Variants in CSNK1G3 observed in about 807,000 individuals in gnomAD.
CSNK1G3 encodes casein kinase 1 gamma 3, also known as casein kinase I isoform gamma-3.
In CSNK1G3, 23 loss-of-function variants were observed where a neutral mutation model predicts 64.3. That is an observed-to-expected ratio of 0.36 (90% CI 0.26 to 0.51). The LOEUF is 0.51. CSNK1G3 is among the 20% of genes least tolerant of loss of function. The probability of loss-of-function intolerance (pLI) is 0.96; values close to 1 mark genes in which losing one functional copy is unlikely to be tolerated. For synonymous variants in CSNK1G3, 158 were observed against 162.2 expected (o/e 0.97, Z 0.20); for missense variants, 357 against 510.5 (o/e 0.70, Z 2.90).
intron 4 of CSNK1G3, among the ~76,000 whole-genome samples, chr5:123,569,747 TTTTA>T (rs1324771862): frequency 6.6e-6 from 1 of 152,074 alleles, no homozygotes; most frequent in Non-Finnish European, 1.5e-5. Context: ...TGAGAATGCT[TTTTA>T]TTTATTTATT....
intron 4 of CSNK1G3, among the ~76,000 whole-genome samples, chr5:123,568,267 G>C (rs1448603965): frequency 6.6e-6 from 1 of 152,164 alleles, no homozygotes; most frequent in Non-Finnish European, 1.5e-5. Context: ...CAGTGGATCA[G>C]ACCAGCAGCC....
chr5:123,605,196 G>C (rs1021133641), intron 11 of CSNK1G3, 143 bp from the exon 13 acceptor site: 13 of 688,466 alleles, frequency 1.9e-5, no homozygotes, highest in Non-Finnish European at 3.0e-5. Flanking sequence ...TTTTGAATTA[G>C]TTTTTTCAAA....
intron 1 of CSNK1G3, among the ~76,000 whole-genome samples, chr5:123,530,437 C>A (rs1779742520): frequency 6.6e-6 from 1 of 152,076 alleles, no homozygotes; most frequent in African/African-American, 2.4e-5. Context: ...AGCTTTTAAA[C>A]TGTAGAAATG....
At chr5:123,557,173 G>A (rs954490308) in intron 3 of CSNK1G3, among the ~76,000 whole-genome samples, 1 of 152,010 alleles carries the variant, frequency 6.6e-6, no homozygotes, top group Admixed American at 6.6e-5. Context: ...GGTGAATTTG[G>A]AGAACAGGAG....
intron 1 of CSNK1G3, among the ~76,000 whole-genome samples, chr5:123,515,315 C>T (rs2149882773): frequency 6.6e-6 from 1 of 152,014 alleles, no homozygotes; most frequent in African/African-American, 2.4e-5. Flanking sequence ...CAAAGGGCTT[C>T]CCAAAAGGAT....
At chr5:123,584,710 T>G (rs1403876777) in intron 6 of CSNK1G3, among the ~76,000 whole-genome samples, 1 of 152,192 alleles carries the variant, frequency 6.6e-6, no homozygotes, top group Admixed American at 6.5e-5. Context: ...CGATGCTATC[T>G]GGATTGTATT....
intron 6 of CSNK1G3, among the ~76,000 whole-genome samples, chr5:123,580,874 A>G (rs770143302): frequency 6.6e-6 from 1 of 151,846 alleles, no homozygotes; most frequent in Non-Finnish European, 1.5e-5. Context: ...GATTTGAGGG[A>G]TAAGTTGGGA....
At chr5:123,553,833 A>G (rs1244849923) in intron 3 of CSNK1G3, among the ~76,000 whole-genome samples, 1 of 152,198 alleles carries the variant, frequency 6.6e-6, no homozygotes, top group African/African-American at 2.4e-5. Flanking sequence ...TTCATTCATT[A>G]AGTGGTGATC....
intron 1 of CSNK1G3, among the ~76,000 whole-genome samples, chr5:123,521,340 C>A (rs1006692425): frequency 6.6e-6 from 1 of 152,012 alleles, no homozygotes; most frequent in African/African-American, 2.4e-5. Flanking sequence ...TTCTGTCATA[C>A]GAGTATCAGG....
At chr5:123,579,145 G>A (rs570176570) in intron 6 of CSNK1G3, among the ~76,000 whole-genome samples, 3 of 151,836 alleles carry the variant, frequency 2.0e-5, no homozygotes, top group South Asian at 4.2e-4. Context: ...CCCAGCTTTA[G>A]CTACTCTATA....
At chr5:123,550,731 T>C (rs1336044179) in intron 2 of CSNK1G3, among the ~76,000 whole-genome samples, 1 of 152,242 alleles carries the variant, frequency 6.6e-6, no homozygotes, top group African/African-American at 2.4e-5. Flanking sequence ...TGGATTTTTC[T>C]TTTAATGGGA....
chr5:123,556,776 G>A (rs1206203327), intron 3 of CSNK1G3, among the ~76,000 whole-genome samples: 1 of 150,512 alleles, frequency 6.6e-6, no homozygotes, highest in East Asian at 1.9e-4. Context: ...GTGTGTGTGT[G>A]TGTGTGTGTG....
chr5:123,617,038 C>A (rs1749562973), exon 13 of CSNK1G3: 1 of 152,098 alleles, frequency 6.6e-6, no homozygotes, highest in African/African-American at 2.4e-5. Context: ...AATACATCTT[C>A]TGATAAATTA....
At chr5:123,574,656 A>G (rs1788799783) in intron 5 of CSNK1G3, among the ~76,000 whole-genome samples, 1 of 151,958 alleles carries the variant, frequency 6.6e-6, no homozygotes, top group Non-Finnish European at 1.5e-5. Context: ...CTCTGTCTCT[A>G]CAAAAATAAA....
exon 13 of CSNK1G3, chr5:123,614,612 A>G (rs1749141610): frequency 9.1e-6 from 4 of 438,526 alleles, no homozygotes; most frequent in Admixed American, 4.0e-5. Flanking sequence ...AAGTTTTGTC[A>G]AAACATGAGT....
At chr5:123,606,944 A>C (rs201233086) in intron 12 of CSNK1G3, among the ~76,000 whole-genome samples, 1 of 152,198 alleles carries the variant, frequency 6.6e-6, no homozygotes, top group South Asian at 2.1e-4. Context: ...GTATTTTAAA[A>C]AATGGTTAGA....
rs561027036 is a variant in CSNK1G3 at position 123,515,227 on chromosome 5, A to G, written c.-248+2657A>G. On this transcript the variant is annotated intron_variant, in intron 1 of 12. Transcript: ENST00000345990. ...TCTGATCCATCCTGTAATCCTCTCC[A>G]TGCTGGGAGTAGACTTATTCTGGTA... is the stretch of plus-strand genomic sequence containing the variant. Among the ~76,000 whole-genome samples the G allele has an allele frequency of 4.6e-5, 7 of 152,286 alleles. No homozygotes were observed. The East Asian group carries it at 9.7e-4, about 21-fold the overall frequency.
chr5:123,525,747 A>G (rs1200211914), intron 1 of CSNK1G3, among the ~76,000 whole-genome samples: 1 of 152,024 alleles, frequency 6.6e-6, no homozygotes, highest in Non-Finnish European at 1.5e-5. Context: ...TAATCCCAGC[A>G]CTTTGGGAGG....
chr5:123,525,403 C>T (rs574882679), intron 1 of CSNK1G3, among the ~76,000 whole-genome samples: 20 of 151,864 alleles, frequency 1.3e-4, no homozygotes, highest in African/African-American at 1.7e-4. Flanking sequence ...CCTCTGTCTC[C>T]GGGTTCAAGC....
Sources: gnomAD v4.1 joint callset for allele counts (sites outside exome capture counted in the v4.1 genomes callset) on GRCh38, gnomAD v4.1.1 for gene constraint, MANE v1.5 for transcripts, NCBI Gene and HGNC (gene_info 2026-07-23, HGNC 2026-07-21) for gene names.